RCAN3: variants seen among roughly 807,000 people sequenced by gnomAD.
RCAN3 encodes the protein calcipressin-3.
Under a neutral mutation model 21.9 loss-of-function variants are expected in RCAN3, and 19 were observed. The observed-to-expected ratio is 0.87, with a 90% CI of 0.61 to 1.27. The LOEUF is 1.27. Among genes scored for constraint, RCAN3 ranks in the 50% most tolerant of loss-of-function variants. The pLI, the probability that RCAN3 is intolerant of heterozygous loss-of-function variation, is 0.00. For synonymous variants in RCAN3, 114 were observed against 112.3 expected (o/e 1.01, Z -0.09); for missense variants, 240 against 300.1 (o/e 0.80, Z 1.48).
intron 1 of RCAN3, among the ~76,000 whole-genome samples, chr1:24,512,120 C>T (rs952329105): frequency 3.3e-5 from 5 of 151,934 alleles, no homozygotes; most frequent in Admixed American, 6.6e-5. Context: ...GAGGCCGAGG[C>T]GGGCGGATAA....
chr1:24,518,498 C>T (rs1648525087), intron 2 of RCAN3, among the ~76,000 whole-genome samples: 1 of 152,138 alleles, frequency 6.6e-6, no homozygotes, highest in Non-Finnish European at 1.5e-5. Flanking sequence ...AGGAGTGCGA[C>T]AGGCTTAGTG....
In RCAN3 at chr1:24,533,072, G is replaced by C. The variant is rs112653974; in HGVS notation, c.370-11G>C. On this transcript the variant is annotated splice_polypyrimidine_tract_variant and intron_variant, in intron 3 of 4. Transcript: ENST00000374395. ...TTTGCAAACTGGCTTTGAGCGTCTC[G>C]CTCCCTGCAGGTGCAGATGTCCGGC... 6.4e-5 allele frequency: 90 copies of C among 1,414,194 alleles called. No homozygotes were observed. In the South Asian group the frequency reaches 1.4e-3, roughly 22 times the overall value. 87.6% of individuals were successfully genotyped at this position (1,414,194 alleles called of 1,614,324 possible).
chr1:24,535,393 T>C lies in RCAN3; in HGVS notation c.*116T>C, dbSNP rs1256427311. The stretch of plus-strand genomic sequence containing the variant: ...AGGTGAGACTCTGCCGAGTGAGGTA[T>C]AGGTCTTCTCACCACGCCTGTACTG... On this transcript the variant is annotated 3_prime_UTR_variant, in exon 5 of 5. Coordinates refer to ENST00000374395, the MANE Select transcript of RCAN3 (RefSeq NM_013441.4). The C allele has an allele frequency of 7.6e-6, 9 of 1,191,448 alleles. No individual in the cohort carries two copies. Among genetic ancestry groups the C allele is most frequent in the Non-Finnish European group, 9.0e-6 (8 of 889,504 alleles). The allele number at this position is 1,191,448 out of a possible 1,614,324, so 73.8% of individuals were successfully genotyped here.
intron 1 of RCAN3, among the ~76,000 whole-genome samples, chr1:24,513,181 G>A (rs1338345566): frequency 1.3e-5 from 2 of 152,162 alleles, no homozygotes; most frequent in Admixed American, 6.5e-5. Flanking sequence ...AGCTTGCAGT[G>A]AGCCGAGATT....
chr1:24,519,342 A>G (rs1570462573), intron 2 of RCAN3, among the ~76,000 whole-genome samples: 1 of 151,858 alleles, frequency 6.6e-6, no homozygotes, highest in South Asian at 2.1e-4. Flanking sequence ...GTGATCCACC[A>G]TGCCTGACCC....
intron 2 of RCAN3, among the ~76,000 whole-genome samples, chr1:24,515,427 G>GT (rs1648228213): frequency 6.8e-6 from 1 of 146,380 alleles, no homozygotes; most frequent in African/African-American, 2.5e-5. Flanking sequence ...TAGAAAGAGA[G>GT]GTGTGTGTGT....
rs57153313 is a variant in RCAN3, at chr1:24,518,763, A to ATTATTTAT, written c.195+4215_195+4222dup. On this transcript the variant is annotated intron_variant, in intron 2 of 4. Coordinates refer to ENST00000374395, the MANE Select transcript of RCAN3 (RefSeq NM_013441.4). ...ATGCACCAGCACATCCAGCTAATTT[A>ATTATTTAT]TTATTTATTTATTTATTTATTTATT... 3.7e-3 allele frequency among the ~76,000 whole-genome samples: 558 copies of ATTATTTAT among 150,502 alleles called. 2 individuals are homozygous for ATTATTTAT. Among genetic ancestry groups the ATTATTTAT allele is most frequent in the African/African-American group, 0.013 (536 of 40,810 alleles).
chr1:24,513,234 C>G (rs1387932436), intron 1 of RCAN3, among the ~76,000 whole-genome samples: 1 of 151,614 alleles, frequency 6.6e-6, no homozygotes, highest in Non-Finnish European at 1.5e-5. Flanking sequence ...GAGACTCTGT[C>G]TCAAAAAAAA....
chr1:24,520,084 C>A (rs188865986), intron 2 of RCAN3, among the ~76,000 whole-genome samples: 26 of 152,188 alleles, frequency 1.7e-4, no homozygotes, highest in African/African-American at 5.8e-4. Flanking sequence ...GCCTTCAGCC[C>A]AGAAAAAGTA....
At chr1:24,532,679 T>G (rs567478697) in intron 3 of RCAN3, among the ~76,000 whole-genome samples, 72 of 149,536 alleles carry the variant, frequency 4.8e-4, no homozygotes, top group African/African-American at 1.6e-3. Flanking sequence ...CCAGGCACGG[T>G]GGCTCACACC....
intron 2 of RCAN3, among the ~76,000 whole-genome samples, chr1:24,522,246 C>A (rs1049748331): frequency 6.6e-6 from 1 of 152,192 alleles, no homozygotes; most frequent in East Asian, 1.9e-4. Flanking sequence ...CTTTAACCCT[C>A]TTTTCACCTA....
intron 2 of RCAN3, among the ~76,000 whole-genome samples, chr1:24,528,254 G>GAAAAAAAAAAAAA (rs57400823): frequency 8.2e-6 from 1 of 122,134 alleles, no homozygotes; most frequent in African/African-American, 3.2e-5. Context: ...TGGAAAAAAA[G>GAAAAAAAAAAAAA]AAAAAAAAAA....
chr1:24,503,992 T>G, intron 1 of RCAN3, among the ~76,000 whole-genome samples: 1 of 152,260 alleles, frequency 6.6e-6, no homozygotes, highest in East Asian at 1.9e-4. Flanking sequence ...TCTTAAACTC[T>G]GTAAACACAT....
intron 2 of RCAN3, among the ~76,000 whole-genome samples, chr1:24,517,602 A>G (rs1212083836): frequency 6.6e-6 from 1 of 152,196 alleles, no homozygotes; most frequent in Non-Finnish European, 1.5e-5. Flanking sequence ...TTCCTAGTAA[A>G]TTGTATTTAA....
rs542575375 is a variant in RCAN3, at chr1:24,540,029, C to T, written c.*4752C>T. On this transcript the variant is annotated 3_prime_UTR_variant, in exon 5 of 5. Coordinates refer to ENST00000374395, the MANE Select transcript of RCAN3 (RefSeq NM_013441.4). ...GATTTATGAACCTTGTCCTACAATT[C>T]GCTGAATACTTATTTGTCTTTTAAA... 2 of 152,306 alleles carry T rather than the reference C, an allele frequency of 1.3e-5. No homozygotes were observed. The highest frequency in any genetic ancestry group is 1.9e-4 in the East Asian group (1 of 5,194). The allele number at this position is 152,306 out of a possible 1,614,324, so 9.4% of individuals were successfully genotyped here. A position where few individuals can be genotyped will look rare whatever the true frequency, so the allele number is the denominator to read the frequency against.
intron 2 of RCAN3, 43 bp downstream of exon 2, chr1:24,514,610 AATGTGTATGGATT>A (rs1557567564): frequency 3.8e-6 from 6 of 1,568,446 alleles, no homozygotes; most frequent in Admixed American, 1.7e-5. Context: ...TAGCATGTTA[AATGTGTATGGATT>A]TGGGGAAACA....
chr1:24,522,789 A>G (rs1013353676), intron 2 of RCAN3, among the ~76,000 whole-genome samples: 7 of 152,270 alleles, frequency 4.6e-5, no homozygotes, highest in Admixed American at 4.6e-4. Flanking sequence ...TCTCAAAATA[A>G]AAAAGGCAAT....
In RCAN3 at chr1:24,533,097, C is replaced by T. The variant is rs34116411; in HGVS notation, c.384C>T (p.Gly128=). The stretch of plus-strand genomic sequence containing the variant: ...GCTCCCTGCAGGTGCAGATGTCCGG[C>T]GAAGTGCGGGACAAGTCCTATCTCC... ...KLYFAQVQMS[G]EVRDKSYLLP... Residue 128 remains glycine (G), a synonymous_variant, in exon 4 of 5, where the codon GGC becomes GGT. Coordinates refer to ENST00000374395, the MANE Select transcript of RCAN3 (RefSeq NM_013441.4). 1.0e-3 allele frequency: 1,555 copies of T among 1,493,758 alleles called. 19 individuals carry two copies. The African/African-American group carries it at 0.018, about 18-fold the overall frequency. The allele number at this position is 1,493,758 out of a possible 1,614,324, so 92.5% of individuals were successfully genotyped here.
intron 3 of RCAN3, among the ~76,000 whole-genome samples, chr1:24,531,683 A>T (rs929923060): frequency 6.6e-6 from 1 of 152,148 alleles, no homozygotes; most frequent in Non-Finnish European, 1.5e-5. Context: ...CTGACACCCT[A>T]GTGTTCGGAA....
Sources: allele counts gnomAD v4.1 joint callset (sites outside exome capture counted in the v4.1 genomes callset), GRCh38; gene constraint gnomAD v4.1.1; transcripts MANE v1.5; gene names NCBI Gene and HGNC (gene_info 2026-07-23, HGNC 2026-07-21).